ZNF71: variants seen among roughly 807,000 people sequenced by gnomAD.
The protein encoded by ZNF71 is zinc finger protein 71.
ZNF71 carries 3 observed loss-of-function variants against 6.7 expected under a neutral mutation model. The observed-to-expected ratio is 0.45, with a 90% CI of 0.20 to 1.16. The LOEUF (loss-of-function observed/expected upper bound fraction) is 1.16, where lower values mean the gene tolerates loss of function less well. Among genes scored for constraint, ZNF71 ranks in the 50% most tolerant of loss-of-function variants. The probability of loss-of-function intolerance (pLI) is 0.25; values close to 1 mark genes in which losing one functional copy is unlikely to be tolerated. For synonymous variants in ZNF71, 343 were observed against 311.1 expected, an observed-to-expected ratio of 1.10 and a Z score of -1.08; for missense variants, 688 against 728.6, an observed-to-expected ratio of 0.94 and a Z score of 0.64.
chr19:56,621,216 C>G, intron 3 of ZNF71, 52 bp from the exon 4 acceptor site: 1 of 1,503,368 alleles, frequency 6.7e-7, no homozygotes, highest in Non-Finnish European at 8.9e-7. Flanking sequence ...CTTCCTCACT[C>G]CCAGCATCTT....
chr19:56,610,986 A>G (rs1448842181), intron 2 of ZNF71, among the ~76,000 whole-genome samples: 1 of 152,248 alleles, frequency 6.6e-6, no homozygotes, highest in Non-Finnish European at 1.5e-5. Context: ...GTCTATTGTG[A>G]ATAGTGCTGT....
Position 56,621,368 on chromosome 19 carries a change from G to A in ZNF71, c.261G>A (p.Arg87=). 6.3e-7 allele frequency: 1 copy of A among 1,590,692 alleles called. No individual in the cohort carries two copies. The change falls in exon 4 of 4, where the codon AGG becomes AGA. Residue 87 remains arginine, a synonymous_variant. Coordinates refer to ENST00000599599, the MANE Select transcript of ZNF71 (RefSeq NM_001370215.1). ...GGGAGGCCACGGGGGGACCCACGAG[G>A]AATGGTGCCAGGGGTCCTGGCTCAG... The part of the protein sequence containing the change: ...VVGEATGGPT[R]NGARGPGSEG...
intron 1 of ZNF71, among the ~76,000 whole-genome samples, chr19:56,595,766 G>C (rs1308358478): frequency 6.6e-6 from 1 of 152,078 alleles, no homozygotes; most frequent in Non-Finnish European, 1.5e-5. Context: ...GTGTGTGTCT[G>C]TGTGGGTCTG....
In ZNF71 at chr19:56,624,426, G is replaced by A. The variant is rs549365252; in HGVS notation, c.*1669G>A. ...GTGGTGGTTTCCAGCAGCGAGTCTT[G>A]ATCAGACATTGCTTTAGTTGCATCT... is the stretch of plus-strand genomic sequence containing the variant. On this transcript the variant is annotated 3_prime_UTR_variant, in exon 4 of 4. Transcript: ENST00000599599. 3.3e-5 allele frequency: 5 copies of A among 152,322 alleles called. No individual in the cohort carries two copies. In the South Asian group the frequency reaches 1.0e-3, roughly 32 times the overall value. 9.4% of individuals were successfully genotyped at this position (152,322 alleles called of 1,614,324 possible).
At position 56,621,411 on chromosome 19, in the gene ZNF71, G is replaced by A. The variant is rs1461249626; in HGVS notation, c.304G>A (p.Gly102Ser). 1 of 1,613,104 alleles carries A rather than the reference G, an allele frequency of 6.2e-7. No individual in the cohort carries two copies. The highest frequency in any genetic ancestry group is 1.3e-5 in the African/African-American group (1 of 75,060). ...TGGCTCAGAAGGAGTGTGGGAACCA[G>A]GCAGCTGGCCAGAGAGGCCGCGGGG... is the stretch of plus-strand genomic sequence containing the variant. Reference protein sequence around the residue: ...GPGSEGVWEPGSWPERPRGDA... With the variant: ...GPGSEGVWEPSSWPERPRGDA... Residue 102 changes from glycine (G) to serine (S), a missense_variant, in exon 4 of 4, where the codon GGC becomes AGC. By Grantham distance (56) the Gly-to-Ser change is moderately conservative. Transcript: ENST00000599599.
Position 56,621,718 on chromosome 19 carries a change from C to T in ZNF71, c.611C>T (p.Ser204Phe). ...ECGKAFSRSS[S>F]LIKHQRIHTG... ...GGCAAGGCCTTTAGCCGAAGCTCGT[C>T]CCTGATAAAGCACCAAAGGATCCAC... Residue 204 changes from serine to phenylalanine, a missense_variant, in exon 4 of 4, where the codon TCC becomes TTC. By Grantham distance (155) the Ser-to-Phe change is radical. Transcript: ENST00000599599. 1 of 1,613,834 alleles carries T rather than the reference C, an allele frequency of 6.2e-7. No homozygotes were observed. Among genetic ancestry groups the T allele is most frequent in the Non-Finnish European group, 8.5e-7 (1 of 1,179,968 alleles).
At chr19:56,605,982 G>T (rs2046938235) in intron 2 of ZNF71, among the ~76,000 whole-genome samples, 1 of 152,190 alleles carries the variant, frequency 6.6e-6, no homozygotes. Context: ...TCCCATCTGT[G>T]TGACCTCTTG....
rs1211872834 is a variant in ZNF71 at position 56,607,510 on chromosome 19, C to T, written c.33+5919C>T. 3.9e-5 allele frequency among the ~76,000 whole-genome samples: 6 copies of T among 152,062 alleles called. No individual in the cohort carries two copies. In the South Asian group the frequency reaches 1.2e-3, roughly 32 times the overall value. Reference sequence around the variant, plus strand: ...CCCAGGCAGACACAACTTCACAACCCCCCATGACGTAGATGCTGTTATCCC... The same window carrying T: ...CCCAGGCAGACACAACTTCACAACCTCCCATGACGTAGATGCTGTTATCCC... On this transcript the variant is annotated intron_variant, in intron 2 of 3. Transcript: ENST00000599599.
intron 2 of ZNF71, among the ~76,000 whole-genome samples, chr19:56,607,844 C>T (rs969313418): frequency 6.6e-6 from 1 of 152,210 alleles, no homozygotes; most frequent in African/African-American, 2.4e-5. Flanking sequence ...ATGGCTGTGG[C>T]TCAAGATCTT....
chr19:56,596,473 C>T (rs2044625737), intron 1 of ZNF71, among the ~76,000 whole-genome samples: 4 of 152,134 alleles, frequency 2.6e-5, no homozygotes, highest in South Asian at 4.2e-4. Flanking sequence ...GCTCTGGAGG[C>T]GTAGGGGCCT....
At position 56,621,787 on chromosome 19, in the gene ZNF71, T is replaced by C. The variant is rs2044852619; in HGVS notation, c.680T>C (p.Phe227Ser). The C allele has an allele frequency of 1.2e-6, 2 of 1,613,906 alleles. No individual in the cohort carries two copies. ...GAGTGTGACACCTGTGGGAAGCACT[T>C]CATCGAGCGCTCGTCCCTCACCATC... ...PFECDTCGKH[F>S]IERSSLTIHQ... is the part of the protein sequence containing the mutation. The change falls in exon 4 of 4, where the codon TTC becomes TCC. Residue 227 changes from phenylalanine (F) to serine (S), a missense_variant. Phe to Ser is a radical substitution (Grantham distance 155). Coordinates refer to ENST00000599599, the MANE Select transcript of ZNF71 (RefSeq NM_001370215.1).
intron 1 of ZNF71, among the ~76,000 whole-genome samples, chr19:56,600,448 C>T (rs1317048206): frequency 1.2e-4 from 2 of 16,164 alleles, no homozygotes; most frequent in African/African-American, 3.0e-4. Context: ...CCACCCGCCT[C>T]GGCCTCCCAA....
At chr19:56,595,839 T>TTGTGTGTGTGTGTTTGTGTGTGTG (rs2044616486) in intron 1 of ZNF71, among the ~76,000 whole-genome samples, 1 of 108,232 alleles carries the variant, frequency 9.2e-6, no homozygotes, top group Non-Finnish European at 1.9e-5. Flanking sequence ...GATATTGTGA[T>TTGTGTGTGTGTGTTTGTGTGTGTG]TGTGTGTGTG....
rs1038311094 is a variant in ZNF71 at position 56,598,301 on chromosome 19, G to C, written c.-53+2873G>C. On this transcript the variant is annotated intron_variant, in intron 1 of 3. Transcript: ENST00000599599. The surrounding 1 kb of genome is among the most constrained non-coding windows in gnomAD (Gnocchi z 4.2). ...GAACAGCAGATGCAGAGGCCAGGAGGCCTGGGGCCAAGCATGGGAGAGGGG... is the reference window on the plus strand; with the variant it reads ...GAACAGCAGATGCAGAGGCCAGGAGCCCTGGGGCCAAGCATGGGAGAGGGG... 6.6e-6 allele frequency among the ~76,000 whole-genome samples: 1 copy of C among 152,036 alleles called. No individual in the cohort carries two copies. Among genetic ancestry groups the C allele is most frequent in the African/African-American group, 2.4e-5 (1 of 41,402 alleles).
Position 56,621,374 on chromosome 19 carries a change from T to A in ZNF71, c.267T>A (p.Gly89=), listed in dbSNP as rs199981356. The A allele has an allele frequency of 3.6e-4, 577 of 1,600,812 alleles. No homozygotes were observed. Among genetic ancestry groups the A allele is most frequent in the Non-Finnish European group, 4.7e-4 (554 of 1,172,452 alleles). The change falls in exon 4 of 4, where the codon GGT becomes GGA. Residue 89 remains glycine, a synonymous_variant. Coordinates refer to ENST00000599599, the MANE Select transcript of ZNF71 (RefSeq NM_001370215.1). Reference sequence around the variant, plus strand: ...CCACGGGGGGACCCACGAGGAATGGTGCCAGGGGTCCTGGCTCAGAAGGAG... The same window carrying A: ...CCACGGGGGGACCCACGAGGAATGGAGCCAGGGGTCCTGGCTCAGAAGGAG... ...GEATGGPTRN[G]ARGPGSEGVW... is the part of the protein sequence containing the mutation.
chr19:56,605,236 GGGTTGTACCACTGAATCAGT>G (rs1254227156), intron 2 of ZNF71, among the ~76,000 whole-genome samples: 1 of 152,054 alleles, frequency 6.6e-6, no homozygotes, highest in East Asian at 1.9e-4. Context: ...TGTGCCTTGG[GGGTTGTACCACTGAATCAGT>G]TCAGAACAGC....
At position 56,622,502 on chromosome 19, in the gene ZNF71, C is replaced by G. The variant is rs746881583; in HGVS notation, c.1395C>G (p.Thr465=). 6.2e-7 allele frequency: 1 copy of G among 1,608,078 alleles called. No individual in the cohort carries two copies. Among genetic ancestry groups the G allele is most frequent in the Non-Finnish European group, 8.5e-7 (1 of 1,176,346 alleles). Residue 465 remains threonine, a synonymous_variant, in exon 4 of 4, where the codon ACC becomes ACG. Transcript: ENST00000599599. The part of the protein sequence containing the change: ...SSLIVHQIVH[T]GEKPYVCGEC... ...TCATCGTGCACCAGATCGTGCACAC[C>G]GGGGAGAAGCCCTACGTGTGCGGCG...
intron 1 of ZNF71, among the ~76,000 whole-genome samples, chr19:56,599,127 T>C (rs1483684630): frequency 6.6e-6 from 1 of 152,002 alleles, no homozygotes. Flanking sequence ...TCTTGAAGGG[T>C]TGGAGATGTA....
intron 2 of ZNF71, among the ~76,000 whole-genome samples, chr19:56,607,171 A>G (rs887092530): frequency 3.3e-5 from 5 of 152,194 alleles, no homozygotes; most frequent in African/African-American, 1.2e-4. Context: ...GTATTCTGAT[A>G]TATTCTAAAT....
Sources: gnomAD v4.1 joint callset for allele counts (sites outside exome capture counted in the v4.1 genomes callset) on GRCh38, gnomAD v4.1.1 for gene constraint, Gnocchi (gnomAD v3.1) non-coding constraint, MANE v1.5 for transcripts, NCBI Gene and HGNC (gene_info 2026-07-23, HGNC 2026-07-21) for gene names.